The following CDYL2 variants were observed in gnomAD, a reference collection of about 807,000 sequenced individuals.
CDYL2 encodes chromodomain Y-like protein 2.
Under a neutral mutation model 49.4 loss-of-function variants are expected in CDYL2, and 23 were observed. The ratio of observed to expected loss-of-function variants is 0.47; its 90% CI spans 0.34 to 0.66. The LOEUF is 0.66. Among genes scored for constraint, CDYL2 ranks in the 30% least tolerant of loss-of-function variants. The pLI is 0.01. For synonymous variants in CDYL2, 360 were observed against 268.8 expected, an observed-to-expected ratio of 1.34 and a Z score of -3.32; for missense variants, 678 against 656.4, an observed-to-expected ratio of 1.03 and a Z score of -0.36.
chr16:80,604,630 CA>C, intron 6 of CDYL2, 84 bp from the exon 7 acceptor site: 1 of 1,424,886 alleles, frequency 7.0e-7, no homozygotes, highest in East Asian at 2.3e-5. Flanking sequence ...GGGCACTGGC[CA>C]ACCTCCCATA....
chr16:80,685,655 C>T (rs1910160720), intron 1 of CDYL2, among the ~76,000 whole-genome samples: 1 of 152,176 alleles, frequency 6.6e-6, no homozygotes, highest in South Asian at 2.1e-4. Context: ...ATACTAAATG[C>T]TGGGCATAGA....
intron 1 of CDYL2, among the ~76,000 whole-genome samples, chr16:80,716,735 TG>T (rs1167488029): frequency 6.6e-6 from 1 of 151,904 alleles, no homozygotes; most frequent in East Asian, 1.9e-4. Flanking sequence ...GGATAATGGA[TG>T]GATCGATGGA....
In CDYL2 at chr16:80,625,407, C is replaced by T. The variant is rs189246788; in HGVS notation, c.835-4472G>A. On this transcript the variant is annotated intron_variant, in intron 3 of 6. Coordinates refer to ENST00000570137, the MANE Select transcript of CDYL2 (RefSeq NM_152342.4). ...CTACATTTAAAGACCCTTGTGATTA[C>T]ATTGAGCCCATCCAGGTAGTCTAGA... Among the ~76,000 whole-genome samples, 4 of 152,320 alleles carry T rather than the reference C, an allele frequency of 2.6e-5. No homozygotes were observed. In the East Asian group the frequency reaches 7.7e-4, roughly 29 times the overall value.
At chr16:80,754,845 C>T (rs568625627) in intron 1 of CDYL2, among the ~76,000 whole-genome samples, 2 of 152,232 alleles carry the variant, frequency 1.3e-5, no homozygotes, top group South Asian at 2.1e-4. Context: ...AAAGGGCTCC[C>T]AGGGGAGCCT....
chr16:80,628,885 C>A (rs1907424192), intron 3 of CDYL2, among the ~76,000 whole-genome samples: 1 of 152,116 alleles, frequency 6.6e-6, no homozygotes, highest in African/African-American at 2.4e-5. Context: ...CCCACAAATA[C>A]ATGTAGACTA....
At chr16:80,670,783 A>C (rs1909469544) in intron 2 of CDYL2, among the ~76,000 whole-genome samples, 1 of 152,102 alleles carries the variant, frequency 6.6e-6, no homozygotes, top group Admixed American at 6.6e-5. Context: ...AAAAGTGTGA[A>C]TCGAGGCCTC....
At chr16:80,681,903 T>C (rs1027766006) in intron 2 of CDYL2, among the ~76,000 whole-genome samples, 4 of 151,754 alleles carry the variant, frequency 2.6e-5, no homozygotes, top group Non-Finnish European at 4.4e-5. Context: ...GGTGAATAAC[T>C]CTTAGGAAGT....
chr16:80,630,520 T>G (rs893008711), intron 3 of CDYL2, among the ~76,000 whole-genome samples: 2 of 152,208 alleles, frequency 1.3e-5, no homozygotes, highest in East Asian at 3.8e-4. Flanking sequence ...CTTAAAATAA[T>G]GAGGTTTCCA....
intron 1 of CDYL2, among the ~76,000 whole-genome samples, chr16:80,752,505 C>T (rs373855081): frequency 6.6e-6 from 1 of 151,990 alleles, no homozygotes; most frequent in Non-Finnish European, 1.5e-5. Flanking sequence ...CTGAAAAGTA[C>T]CCAGATAAGA....
intron 1 of CDYL2, among the ~76,000 whole-genome samples, chr16:80,698,417 A>AGG (rs1904284906): frequency 6.6e-6 from 1 of 152,196 alleles, no homozygotes; most frequent in Non-Finnish European, 1.5e-5. Context: ...CAAAAAACCA[A>AGG]ATAGCTGAAT....
chr16:80,692,057 T>C (rs1198377444), intron 1 of CDYL2, among the ~76,000 whole-genome samples: 1 of 151,840 alleles, frequency 6.6e-6, no homozygotes, highest in Non-Finnish European at 1.5e-5. Context: ...AATAGATACC[T>C]AGAAGAGTTA....
At chr16:80,752,178 AT>A (rs528331507) in intron 1 of CDYL2, among the ~76,000 whole-genome samples, 1 of 152,328 alleles carries the variant, frequency 6.6e-6, no homozygotes, top group South Asian at 2.1e-4. Flanking sequence ...TTAACAGCAT[AT>A]AAAACACAAA....
chr16:80,708,460 G>A (rs899955320), intron 1 of CDYL2, among the ~76,000 whole-genome samples: 6 of 152,184 alleles, frequency 3.9e-5, no homozygotes, highest in African/African-American at 1.4e-4. Context: ...GTGGAAACGT[G>A]AGGCCATTAA....
intron 4 of CDYL2, among the ~76,000 whole-genome samples, chr16:80,618,383 G>A (rs759751559): frequency 2.0e-5 from 3 of 152,194 alleles, no homozygotes; most frequent in Admixed American, 2.0e-4. Context: ...CAGATACCAC[G>A]CAGCAGACCC....
chr16:80,633,291 G>A, intron 2 of CDYL2, 55 bp from the exon 3 acceptor site: 2 of 1,551,658 alleles, frequency 1.3e-6, no homozygotes, highest in Non-Finnish European at 1.8e-6. Context: ...GATCCTAGAA[G>A]GATGTGATCA....
rs1343799325 is a variant in CDYL2, at chr16:80,612,715, C to T, written c.1129G>A (p.Ala377Thr). 1 of 1,613,430 alleles carries T rather than the reference C, an allele frequency of 6.2e-7. No individual in the cohort carries two copies. Among genetic ancestry groups the T allele is most frequent in the Non-Finnish European group, 8.5e-7 (1 of 1,179,962 alleles). Residue 377 changes from alanine (A) to threonine (T), a missense_variant, in exon 5 of 7, where the codon GCC becomes ACC. Ala to Thr is a moderately conservative substitution (Grantham distance 58). Coordinates refer to ENST00000570137, the MANE Select transcript of CDYL2 (RefSeq NM_152342.4). This position sits in a 1 kb window ranked among gnomAD's most constrained non-coding sequence, Gnocchi z 5.0. ...GTGGCGTAGGGCGTCTGGAACCAGGCCTTCTCACTGGCCCACACGATGTCA... is the reference window on the plus strand; with the variant it reads ...GTGGCGTAGGGCGTCTGGAACCAGGTCTTCTCACTGGCCCACACGATGTCA... ...LCDIVWASEKAWFQTPYATIR... is the reference protein window; with the variant it reads ...LCDIVWASEKTWFQTPYATIR...
chr16:80,697,137 C>A (rs984476036), intron 1 of CDYL2, among the ~76,000 whole-genome samples: 1 of 152,180 alleles, frequency 6.6e-6, no homozygotes, highest in Non-Finnish European at 1.5e-5. Context: ...AACTACCGGC[C>A]AACATCCCTG....
At chr16:80,752,195 T>C (rs1906161402) in intron 1 of CDYL2, among the ~76,000 whole-genome samples, 1 of 151,826 alleles carries the variant, frequency 6.6e-6, no homozygotes, top group East Asian at 1.9e-4. Flanking sequence ...ACAAATAGAA[T>C]TAGTAAAATG....
intron 1 of CDYL2, among the ~76,000 whole-genome samples, chr16:80,727,365 C>A (rs568768713): frequency 6.6e-6 from 1 of 152,340 alleles, no homozygotes; most frequent in Admixed American, 6.5e-5. Flanking sequence ...GGGTCACTCC[C>A]ACCCGAATAC....
Sources: gnomAD v4.1 joint callset for allele counts (sites outside exome capture counted in the v4.1 genomes callset) on GRCh38, gnomAD v4.1.1 for gene constraint, Gnocchi (gnomAD v3.1) non-coding constraint, MANE v1.5 for transcripts, NCBI Gene and HGNC (gene_info 2026-07-23, HGNC 2026-07-21) for gene names.